The following IMMP2L variants were observed in gnomAD, a reference collection of about 807,000 sequenced individuals.
IMMP2L encodes the protein mitochondrial inner membrane protease subunit 2.
In IMMP2L, 18 loss-of-function variants were observed where a neutral mutation model predicts 19.3. That is an observed-to-expected ratio of 0.93 (90% CI 0.64 to 1.38). IMMP2L has a LOEUF of 1.38. Among genes scored for constraint, IMMP2L ranks in the 40% most tolerant of loss-of-function variants. The probability of loss-of-function intolerance (pLI) is 0.00; values close to 1 mark genes in which losing one functional copy is unlikely to be tolerated. For synonymous variants in IMMP2L, 76 were observed against 73.0 expected (o/e 1.04, Z -0.21); for missense variants, 233 against 218.2 (o/e 1.07, Z -0.43).
At chr7:111,206,424 C>T (rs746566839) in intron 3 of IMMP2L, among the ~76,000 whole-genome samples, 2 of 152,156 alleles carry the variant, frequency 1.3e-5, no homozygotes, top group African/African-American at 2.4e-5. Context: ...TCTCGAACTA[C>T]ATTTCAAGTC....
chr7:111,264,321 G>A (rs921583133), intron 3 of IMMP2L, among the ~76,000 whole-genome samples: 1 of 152,100 alleles, frequency 6.6e-6, no homozygotes, highest in Non-Finnish European at 1.5e-5. Context: ...TTTAAGAGGA[G>A]AGATCCAGAT....
intron 5 of IMMP2L, among the ~76,000 whole-genome samples, chr7:110,845,525 A>G (rs1258644872): frequency 6.6e-6 from 1 of 152,248 alleles, no homozygotes; most frequent in African/African-American, 2.4e-5. Context: ...TTATATTTTT[A>G]TCAGCTATAT....
At chr7:110,785,599 A>C (rs1192635903) in intron 5 of IMMP2L, among the ~76,000 whole-genome samples, 1 of 151,942 alleles carries the variant, frequency 6.6e-6, no homozygotes, top group Non-Finnish European at 1.5e-5. Context: ...GGTGAAGCAA[A>C]GATAGAATCA....
At chr7:111,451,434 C>T (rs867184891) in intron 3 of IMMP2L, among the ~76,000 whole-genome samples, 97 of 147,148 alleles carry the variant, frequency 6.6e-4, no homozygotes, top group African/African-American at 1.9e-3. Flanking sequence ...AAATTGGAAA[C>T]CATCATTCTC....
intron 5 of IMMP2L, among the ~76,000 whole-genome samples, chr7:110,878,925 T>C (rs1425046154): frequency 2.0e-5 from 3 of 152,180 alleles, no homozygotes; most frequent in Non-Finnish European, 4.4e-5. Context: ...GTAACATATT[T>C]CATTTAACAG....
At chr7:110,719,060 T>A (rs968197566) in intron 5 of IMMP2L, among the ~76,000 whole-genome samples, 3 of 152,256 alleles carry the variant, frequency 2.0e-5, no homozygotes, top group African/African-American at 7.2e-5. Flanking sequence ...ACTCTGCCTT[T>A]AGGAAACACT....
chr7:111,128,214 CAGGAAAAAGAGAAATAAAT>C (rs1267667579), intron 3 of IMMP2L, among the ~76,000 whole-genome samples: 1 of 151,938 alleles, frequency 6.6e-6, no homozygotes, highest in Non-Finnish European at 1.5e-5. Flanking sequence ...CTATTAGTCA[CAGGAAAAAGAGAAATAAAT>C]AGGACAAATT....
chr7:111,000,269 T>C (rs1823522302), intron 3 of IMMP2L, among the ~76,000 whole-genome samples: 1 of 152,190 alleles, frequency 6.6e-6, no homozygotes. Context: ...GATTTATCCA[T>C]TTAAAATATC....
chr7:110,902,392 CT>C (rs1307377891), intron 4 of IMMP2L, among the ~76,000 whole-genome samples: 6 of 110,640 alleles, frequency 5.4e-5, no homozygotes, highest in African/African-American at 7.9e-5. Context: ...GTCCATACTC[CT>C]TTAAAAAAAA....
At chr7:111,205,778 A>G (rs1466488351) in intron 3 of IMMP2L, among the ~76,000 whole-genome samples, 2 of 152,138 alleles carry the variant, frequency 1.3e-5, no homozygotes, top group Non-Finnish European at 2.9e-5. Flanking sequence ...CTAATCCTAT[A>G]CTGAGTTCCA....
Position 110,672,477 on chromosome 7 carries a change from G to A in IMMP2L, c.409-8756C>T, listed in dbSNP as rs1302067794. Among the ~76,000 whole-genome samples, 3 of 152,200 alleles carry A rather than the reference G, an allele frequency of 2.0e-5. No homozygotes were observed. The East Asian group carries it at 5.8e-4, about 30-fold the overall frequency. On this transcript the variant is annotated intron_variant, in intron 5 of 5. Transcript: ENST00000405709. ...TCCTCTCATTTCAAAACACAATCGT[G>A]TCTTTCCAACAGTCCCCCAAAGTCT...
At chr7:110,901,219 C>T (rs945507550) in intron 4 of IMMP2L, among the ~76,000 whole-genome samples, 1 of 152,076 alleles carries the variant, frequency 6.6e-6, no homozygotes, top group African/African-American at 2.4e-5. Flanking sequence ...CCTCACTTAA[C>T]TGCAAATTCC....
At chr7:111,369,886 G>A (rs535155417) in intron 3 of IMMP2L, among the ~76,000 whole-genome samples, 4 of 151,916 alleles carry the variant, frequency 2.6e-5, no homozygotes, top group African/African-American at 9.6e-5. Context: ...TGGTAAAGAG[G>A]AAGATGAATT....
At position 111,361,076 on chromosome 7, in the gene IMMP2L, T is replaced by C. The variant is rs62466715; in HGVS notation, c.239+126162A>G. On this transcript the variant is annotated intron_variant, in intron 3 of 5. Transcript: ENST00000405709. ...TTTTAAGAGTTTAATGAACCATAAA[T>C]AAACTAGTGAAATCCTGTAACAATG... Among the ~76,000 whole-genome samples the C allele has an allele frequency of 4.3e-3, 648 of 152,160 alleles. 1 individual carries two copies. The highest frequency in any genetic ancestry group is 7.1e-3 in the Non-Finnish European group (486 of 67,980).
At chr7:110,880,078 A>T (rs1198753946) in intron 5 of IMMP2L, among the ~76,000 whole-genome samples, 1 of 152,122 alleles carries the variant, frequency 6.6e-6, no homozygotes, top group African/African-American at 2.4e-5. Context: ...AATAGAATAC[A>T]CATTATGGCT....
chr7:110,732,373 A>G, intron 5 of IMMP2L, among the ~76,000 whole-genome samples: 1 of 152,230 alleles, frequency 6.6e-6, no homozygotes, highest in South Asian at 2.1e-4. Context: ...GGAAGAATAC[A>G]AAGACCTAAA....
At chr7:110,872,454 G>A (rs1471828320) in intron 5 of IMMP2L, among the ~76,000 whole-genome samples, 1 of 151,988 alleles carries the variant, frequency 6.6e-6, no homozygotes, top group Non-Finnish European at 1.5e-5. Flanking sequence ...TGACATTGTT[G>A]TCTATTCTTT....
At chr7:111,338,333 C>T (rs1042236415) in intron 3 of IMMP2L, among the ~76,000 whole-genome samples, 3 of 151,942 alleles carry the variant, frequency 2.0e-5, no homozygotes, top group Admixed American at 2.0e-4. Context: ...TTCCTCCCCC[C>T]CTTTTTTTGC....
intron 3 of IMMP2L, among the ~76,000 whole-genome samples, chr7:111,481,024 C>T (rs987129716): frequency 6.6e-6 from 1 of 152,086 alleles, no homozygotes; most frequent in Non-Finnish European, 1.5e-5. Flanking sequence ...TTGCTCAAAT[C>T]TTTATGACTC....
Sources: allele counts gnomAD v4.1 joint callset (sites outside exome capture counted in the v4.1 genomes callset), GRCh38; gene constraint gnomAD v4.1.1; transcripts MANE v1.5; gene names NCBI Gene and HGNC (gene_info 2026-07-23, HGNC 2026-07-21).